SMIM21: variants seen among roughly 807,000 people sequenced by gnomAD.
The protein encoded by SMIM21 is small integral membrane protein 21.
SMIM21 carries 8 observed loss-of-function variants against 8.6 expected under a neutral mutation model. The ratio of observed to expected loss-of-function variants is 0.93; its 90% confidence interval spans 0.55 to 1.68. SMIM21 has a LOEUF of 1.68. Ranked by LOEUF, SMIM21 falls within the 40% of genes most tolerant of loss-of-function variation. The pLI is 0.00. For missense variants in SMIM21, 132 were observed against 123.0 expected (o/e 1.07, Z -0.35); for synonymous variants, 43 against 41.7 (o/e 1.03, Z -0.12).
Position 75,410,890 on chromosome 18 carries a change from A to G in SMIM21, c.280T>C (p.Ser94Pro), listed in dbSNP as rs1259335929. 10 of 1,614,210 alleles carry G rather than the reference A, an allele frequency of 6.2e-6. No homozygotes were observed. In the East Asian group the frequency reaches 1.6e-4, roughly 25 times the overall value. Residue 94 changes from serine (S) to proline (P), a missense_variant, in exon 3 of 3, where the codon TCC (serine) becomes CCC (proline). Coordinates refer to ENST00000579022, the MANE Select transcript of SMIM21 (RefSeq NM_001037331.3). ...IFRNFLRLKSSRNTAEAE is the reference protein window; with the variant it reads ...IFRNFLRLKSPRNTAEAE ...TATTCTGCTTCTGCTGTGTTCCTGG[A>G]TGACTTCAAACGTAGAAAGCTGCAA...
At chr18:75,425,746 C>T (rs956191807) in intron 1 of SMIM21, among the ~76,000 whole-genome samples, 3 of 152,178 alleles carry the variant, frequency 2.0e-5, no homozygotes, top group African/African-American at 7.2e-5. Context: ...AAGATGAACT[C>T]TTTTACATTT....
At chr18:75,412,894 C>T (rs559976058) in intron 2 of SMIM21, among the ~76,000 whole-genome samples, 2 of 152,134 alleles carry the variant, frequency 1.3e-5, no homozygotes, top group South Asian at 4.1e-4. Flanking sequence ...GTTCGTTGTA[C>T]CTTGAATTTC....
intron 1 of SMIM21, among the ~76,000 whole-genome samples, chr18:75,426,624 T>G (rs2024765303): frequency 1.1e-5 from 1 of 91,178 alleles, no homozygotes; most frequent in African/African-American, 4.5e-5. Context: ...CCATTACTTT[T>G]AAAATGTAAA....
intron 2 of SMIM21, among the ~76,000 whole-genome samples, chr18:75,412,733 G>A (rs997036382): frequency 6.6e-6 from 1 of 152,084 alleles, no homozygotes; most frequent in Non-Finnish European, 1.5e-5. Context: ...GGTACCAGAG[G>A]CCAGGCTCTG....
In SMIM21 at chr18:75,410,823, A is replaced by T; in HGVS notation, c.*41T>A. 1.2e-6 allele frequency: 2 copies of T among 1,611,786 alleles called. No homozygotes were observed. Among genetic ancestry groups the T allele is most frequent in the Non-Finnish European group, 1.7e-6 (2 of 1,179,328 alleles). ...TTTCTTTTCATCTTGAGCAGGGGAA[A>T]TCCATGGTATGAAGGCCATGAGAGA... is the stretch of plus-strand genomic sequence containing the variant. On this transcript the variant is annotated 3_prime_UTR_variant, in exon 3 of 3. Transcript: ENST00000579022.
chr18:75,410,597 G>T lies in SMIM21; in HGVS notation c.*267C>A. 1 of 712,516 alleles carries T rather than the reference G, an allele frequency of 1.4e-6. No individual in the cohort carries two copies. Among genetic ancestry groups the T allele is most frequent in the Non-Finnish European group, 2.1e-6 (1 of 485,080 alleles). The allele number at this position is 712,516 out of a possible 1,614,324, so 44.1% of individuals were successfully genotyped here. On this transcript the variant is annotated 3_prime_UTR_variant, in exon 3 of 3. Coordinates refer to ENST00000579022, the MANE Select transcript of SMIM21 (RefSeq NM_001037331.3). Reference sequence around the variant, plus strand: ...TGCACTGCTGGATCTGTTTCGACACGCAGGGCAGATTTCGCAGGGTTGGGT... The same window carrying T: ...TGCACTGCTGGATCTGTTTCGACACTCAGGGCAGATTTCGCAGGGTTGGGT...
In SMIM21 at chr18:75,427,158, T is replaced by C. The variant is rs140076722; in HGVS notation, c.129+277A>G. ...TGTAGGGGAGAGATCATTGACTCAT[T>C]GGCCTGTATACTGATGTAATGTCAA... On this transcript the variant is annotated intron_variant, in intron 1 of 2. Transcript: ENST00000579022. Among the ~76,000 whole-genome samples, 114 of 152,306 alleles carry C rather than the reference T, an allele frequency of 7.5e-4. No homozygotes were observed. In the East Asian group the frequency reaches 0.018, roughly 23 times the overall value.
At chr18:75,423,590 T>C (rs1414226508) in intron 1 of SMIM21, among the ~76,000 whole-genome samples, 2 of 152,240 alleles carry the variant, frequency 1.3e-5, no homozygotes, top group Non-Finnish European at 2.9e-5. Context: ...GAAGTCACTT[T>C]GCTTATGGGA....
intron 1 of SMIM21, among the ~76,000 whole-genome samples, chr18:75,421,254 A>T (rs1404246231): frequency 6.6e-6 from 1 of 152,244 alleles, no homozygotes; most frequent in Non-Finnish European, 1.5e-5. Context: ...TGCTTCCTAC[A>T]GCATTCTGTG....
chr18:75,427,523 A>G lies in SMIM21; in HGVS notation c.41T>C (p.Ile14Thr). 1.2e-6 allele frequency: 2 copies of G among 1,613,702 alleles called. No individual in the cohort carries two copies. Among genetic ancestry groups the G allele is most frequent in the South Asian group, 1.1e-5 (1 of 91,026 alleles). ...TTGTTTAAATGTTCCCAGCTGTGCT[A>G]TAGGGAATCGGGGAGGAGCTGTGGA... ...YVSTAPPRFP[I>T]AQLGTFKQDS... Residue 14 changes from isoleucine (I) to threonine (T), a missense_variant, in exon 1 of 3, where the codon ATA becomes ACA. Coordinates refer to ENST00000579022, the MANE Select transcript of SMIM21 (RefSeq NM_001037331.3).
intron 1 of SMIM21, among the ~76,000 whole-genome samples, chr18:75,426,291 ATTTGTTTG>A (rs199926696): frequency 5.4e-4 from 60 of 111,960 alleles, no homozygotes; most frequent in African/African-American, 9.0e-4. Context: ...TTATTTATTT[ATTTGTTTG>A]TTTGTTTGTT....
chr18:75,426,474 T>C (rs1381648451), intron 1 of SMIM21, among the ~76,000 whole-genome samples: 1 of 151,746 alleles, frequency 6.6e-6, no homozygotes, highest in Non-Finnish European at 1.5e-5. Context: ...CACGACTGGC[T>C]AATTTTTTGT....
At chr18:75,412,231 T>C (rs562792027) in intron 2 of SMIM21, among the ~76,000 whole-genome samples, 1 of 152,312 alleles carries the variant, frequency 6.6e-6, no homozygotes, top group Non-Finnish European at 1.5e-5. Context: ...AGATTCTCAA[T>C]CTCTGTATTC....
In SMIM21 at chr18:75,410,266, A is replaced by G. The variant is rs554851759; in HGVS notation, c.*598T>C. 2 of 152,834 alleles carry G rather than the reference A, an allele frequency of 1.3e-5. No homozygotes were observed. The highest frequency in any genetic ancestry group is 4.8e-5 in the African/African-American group (2 of 41,574). 9.5% of individuals were successfully genotyped at this position (152,834 alleles called of 1,614,324 possible). ...CTGAGGGTTAGTTCATTAGGTCACAATCAGTAATTGATTCTCAGTGTGTCT... is the reference window on the plus strand; with the variant it reads ...CTGAGGGTTAGTTCATTAGGTCACAGTCAGTAATTGATTCTCAGTGTGTCT... On this transcript the variant is annotated 3_prime_UTR_variant, in exon 3 of 3. Coordinates refer to ENST00000579022, the MANE Select transcript of SMIM21 (RefSeq NM_001037331.3).
At chr18:75,424,540 T>C (rs1286010469) in intron 1 of SMIM21, among the ~76,000 whole-genome samples, 1 of 152,166 alleles carries the variant, frequency 6.6e-6, no homozygotes, top group Non-Finnish European at 1.5e-5. Flanking sequence ...ACTGTTGAAA[T>C]CCCTGAAAAC....
intron 2 of SMIM21, among the ~76,000 whole-genome samples, chr18:75,413,214 T>C (rs548116722): frequency 5.3e-4 from 81 of 152,274 alleles, no homozygotes; most frequent in African/African-American, 1.9e-3. Flanking sequence ...GATTCTTTCT[T>C]TACTCCCCAT....
chr18:75,415,537 G>A (rs1301810537), intron 2 of SMIM21, among the ~76,000 whole-genome samples: 1 of 152,188 alleles, frequency 6.6e-6, no homozygotes, highest in Non-Finnish European at 1.5e-5. Flanking sequence ...CCATCACCAG[G>A]CGGAACTAGC....
At position 75,418,918 on chromosome 18, in the gene SMIM21, T is replaced by C. The variant is rs139444764; in HGVS notation, c.130-2A>G. The stretch of plus-strand genomic sequence containing the variant: ...ACGAATATGGTGTTCATTTTCAAAC[T>C]GAAAAAGGAAATAATTACAGTTACT... On this transcript the variant is annotated splice_acceptor_variant, in intron 1 of 2. Coordinates refer to ENST00000579022, the MANE Select transcript of SMIM21 (RefSeq NM_001037331.3). LOFTEE classifies it high-confidence loss of function. 5.0e-6 allele frequency: 8 copies of C among 1,585,620 alleles called. No homozygotes were observed. The highest frequency in any genetic ancestry group is 6.9e-6 in the Non-Finnish European group (8 of 1,156,020).
chr18:75,417,536 A>T (rs1335336567), intron 2 of SMIM21: 1 of 152,196 alleles, frequency 6.6e-6, no homozygotes, highest in East Asian at 1.9e-4. Context: ...ATGTAGAATA[A>T]ACTCCCTATA....
Sources: allele counts gnomAD v4.1 joint callset (sites outside exome capture counted in the v4.1 genomes callset), GRCh38; gene constraint gnomAD v4.1.1; transcripts MANE v1.5; gene names NCBI Gene and HGNC (gene_info 2026-07-23, HGNC 2026-07-21).